The following ARL6IP6 variants were observed in gnomAD, a reference collection of about 807,000 sequenced individuals.
ARL6IP6 encodes ADP-ribosylation factor-like protein 6-interacting protein 6.
In ARL6IP6, 22 loss-of-function variants were observed where a neutral mutation model predicts 21.5. That is an observed-to-expected ratio of 1.02 (90% confidence interval 0.73 to 1.46). The LOEUF (loss-of-function observed/expected upper bound fraction) is 1.46. Ranked by LOEUF, ARL6IP6 falls within the 40% of genes most tolerant of loss-of-function variation. ARL6IP6 has a pLI of 0.00. For missense variants in ARL6IP6, 388 were observed against 299.8 expected (o/e 1.29, Z -2.17); for synonymous variants, 164 against 125.3 (o/e 1.31, Z -2.06).
At chr2:152,718,356 T>G, upstream of ARL6IP6, 1 of 383,814 alleles carries the variant, frequency 2.6e-6, no homozygotes. Flanking sequence ...CTCGACAGCC[T>G]TCGGCCTCCG....
chr2:152,755,686 C>T (rs543723321), intron 3 of ARL6IP6, among the ~76,000 whole-genome samples: 67 of 152,296 alleles, frequency 4.4e-4, no homozygotes, highest in South Asian at 4.1e-3. Flanking sequence ...TTACCCTGCC[C>T]CTTTTGCTTT....
chr2:152,744,589 T>G (rs920225749), intron 3 of ARL6IP6, among the ~76,000 whole-genome samples: 1 of 152,160 alleles, frequency 6.6e-6, no homozygotes, highest in African/African-American at 2.4e-5. Flanking sequence ...AAATATAATC[T>G]ATGAGATTAG....
Position 152,754,016 on chromosome 2 carries a change from G to A in ARL6IP6, c.588-5731G>A, listed in dbSNP as rs531334665. On this transcript the variant is annotated intron_variant, in intron 3 of 3. Coordinates refer to ENST00000326446, the MANE Select transcript of ARL6IP6 (RefSeq NM_152522.7). Reference sequence around the variant, plus strand: ...ACGCCCGGTCCAGGTCCTTTTTAATGTCTGACAGTAAAGTGTTTTTTTGTT... The same window carrying A: ...ACGCCCGGTCCAGGTCCTTTTTAATATCTGACAGTAAAGTGTTTTTTTGTT... Among the ~76,000 whole-genome samples, 6 of 151,534 alleles carry A rather than the reference G, an allele frequency of 4.0e-5. No individual in the cohort carries two copies. The South Asian group carries it at 1.3e-3, about 32-fold the overall frequency.
chr2:152,719,379 T>C (rs1041340469), intron 1 of ARL6IP6, among the ~76,000 whole-genome samples: 2 of 152,220 alleles, frequency 1.3e-5, no homozygotes, highest in African/African-American at 4.8e-5. Context: ...ATAATTAAAA[T>C]AGGCCATGTT....
intron 2 of ARL6IP6, among the ~76,000 whole-genome samples, chr2:152,726,791 C>T (rs1306069442): frequency 6.6e-6 from 1 of 152,084 alleles, no homozygotes; most frequent in Non-Finnish European, 1.5e-5. Context: ...TGAAAAATTC[C>T]TATTTAGTGG....
rs896706383 is a variant in ARL6IP6 at position 152,762,378 on chromosome 2, T to G, written c.*2538T>G. 6.6e-6 allele frequency among the ~76,000 whole-genome samples: 1 copy of G among 152,212 alleles called. No homozygotes were observed. Among genetic ancestry groups the G allele is most frequent in the African/African-American group, 2.4e-5 (1 of 41,454 alleles). ...ATACGTGAGTCAATAAATTTCTGTC[T>G]TTTGGCCTTTGCAGTTTACATTGGC... On this transcript the variant is annotated 3_prime_UTR_variant, in exon 4 of 4. Coordinates refer to ENST00000326446, the MANE Select transcript of ARL6IP6 (RefSeq NM_152522.7).
chr2:152,750,523 C>G (rs544345196), intron 3 of ARL6IP6, among the ~76,000 whole-genome samples: 2 of 149,226 alleles, frequency 1.3e-5, no homozygotes, highest in East Asian at 3.9e-4. Flanking sequence ...GGAGGGAGGG[C>G]GGAAGGAAGG....
At chr2:152,744,213 A>G (rs1361652955) in intron 3 of ARL6IP6, among the ~76,000 whole-genome samples, 3 of 152,182 alleles carry the variant, frequency 2.0e-5, no homozygotes, top group Admixed American at 6.5e-5. Flanking sequence ...TCTCACAGAT[A>G]GTCATTTTGA....
At chr2:152,719,051 T>C in intron 1 of ARL6IP6, 27 bp downstream of exon 1, 4 of 1,496,874 alleles carry the variant, frequency 2.7e-6, no homozygotes, top group Non-Finnish European at 3.6e-6. Flanking sequence ...CTTGAAAGTC[T>C]GTCCAGAGTA....
Position 152,761,008 on chromosome 2 carries a change from G to A in ARL6IP6, c.*1168G>A, listed in dbSNP as rs1016834905. 3.3e-5 allele frequency: 5 copies of A among 152,084 alleles called. No individual in the cohort carries two copies. The highest frequency in any genetic ancestry group is 4.8e-5 in the African/African-American group (2 of 41,402). 9.4% of individuals were successfully genotyped at this position (152,084 alleles called of 1,614,324 possible). On this transcript the variant is annotated 3_prime_UTR_variant, in exon 4 of 4. Transcript: ENST00000326446. ...TAGAAAGTTACCTCAGTTTTAGAAAGATGGACTACTTACAAAGCTGTTTTC... is the reference window on the plus strand; with the variant it reads ...TAGAAAGTTACCTCAGTTTTAGAAAAATGGACTACTTACAAAGCTGTTTTC...
At chr2:152,742,100 T>C (rs1700838936) in intron 3 of ARL6IP6, among the ~76,000 whole-genome samples, 1 of 152,222 alleles carries the variant, frequency 6.6e-6, no homozygotes, top group South Asian at 2.1e-4. Flanking sequence ...TTTTCCCTGT[T>C]CATTGTCTGG....
In ARL6IP6 at chr2:152,718,852, C is replaced by T. The variant is rs575269466; in HGVS notation, c.228C>T (p.Asp76=). The T allele has an allele frequency of 3.7e-6, 6 of 1,612,744 alleles. No homozygotes were observed. The highest frequency in any genetic ancestry group is 1.7e-4 in the Middle Eastern group (1 of 6,058). ...GAAAGCGCTCGGTGCTCCCGCCGGA[C>T]GGGAACGGGTCGCCCGTTCTGCCCG... ...EPRKRSVLPP[D]GNGSPVLPDK... Residue 76 remains aspartate, a synonymous_variant, in exon 1 of 4, where the codon GAC becomes GAT. Coordinates refer to ENST00000326446, the MANE Select transcript of ARL6IP6 (RefSeq NM_152522.7).
intron 3 of ARL6IP6, among the ~76,000 whole-genome samples, chr2:152,753,647 C>G (rs1701439928): frequency 6.7e-6 from 1 of 148,920 alleles, no homozygotes; most frequent in African/African-American, 2.5e-5. Context: ...GACACCTTTA[C>G]AATGCTGAGT....
At chr2:152,727,453 G>A (rs1210519991) in intron 2 of ARL6IP6, among the ~76,000 whole-genome samples, 2 of 152,126 alleles carry the variant, frequency 1.3e-5, no homozygotes, top group Non-Finnish European at 2.9e-5. Context: ...CGTAACCTAA[G>A]TGTACAGTGT....
chr2:152,759,859 T>C lies in ARL6IP6; in HGVS notation c.*19T>C, dbSNP rs773794941. 3.0e-5 allele frequency: 48 copies of C among 1,588,430 alleles called. No homozygotes were observed. In the South Asian group the frequency reaches 4.9e-4, roughly 16 times the overall value. ...CATGTAAACCCACACTGGAGCGATA[T>C]TGTTGGCAAAACTTAATCATGATTG... On this transcript the variant is annotated 3_prime_UTR_variant, in exon 4 of 4. Coordinates refer to ENST00000326446, the MANE Select transcript of ARL6IP6 (RefSeq NM_152522.7).
chr2:152,717,697 C>CA (rs1699191067), upstream of ARL6IP6: 1 of 1,398,250 alleles, frequency 7.2e-7, no homozygotes, highest in Admixed American at 3.0e-5. Context: ...AAAACTCTAC[C>CA]AACTTCCCCA....
chr2:152,718,682 C>T lies in ARL6IP6; in HGVS notation c.58C>T (p.Pro20Ser). The T allele has an allele frequency of 6.3e-7, 1 of 1,590,386 alleles. No individual in the cohort carries two copies. The highest frequency in any genetic ancestry group is 8.6e-7 in the Non-Finnish European group (1 of 1,166,618). ...SALRRRGPGT[P>S]GPVARPSYSS... ...TCTGCGGCGCCGCGGTCCCGGCACC[C>T]CGGGCCCTGTGGCTCGGCCATCGTA... The change falls in exon 1 of 4, where the codon CCG becomes TCG. Residue 20 changes from proline to serine, a missense_variant. Transcript: ENST00000326446.
At chr2:152,743,235 T>C (rs16831732) in intron 3 of ARL6IP6, among the ~76,000 whole-genome samples, 6,334 of 152,234 alleles carry the variant, frequency 0.042, 277 homozygotes, top group African/African-American at 0.11. Context: ...TTAATAGTTA[T>C]TCAGTGTGCT....
rs1458758385 is a variant in ARL6IP6 at position 152,719,007 on chromosome 2, C to G, written c.383C>G (p.Ala128Gly). Residue 128 changes from alanine (A) to glycine (G), a missense_variant, in exon 1 of 4, where the codon GCC becomes GGC. Transcript: ENST00000326446. ...AILLAFLLAI[A>G]YLIVKELHAE... ...CTTCTCGCCTTCCTCCTCGCCATCG[C>G]CTACTTGATCGTTAAAGGTATTGAA... 1.3e-6 allele frequency: 2 copies of G among 1,573,252 alleles called. No individual in the cohort carries two copies. The highest frequency in any genetic ancestry group is 1.4e-5 in the African/African-American group (1 of 73,560).
Sources: gnomAD v4.1 joint callset for allele counts (sites outside exome capture counted in the v4.1 genomes callset) on GRCh38, gnomAD v4.1.1 for gene constraint, MANE v1.5 for transcripts, NCBI Gene and HGNC (gene_info 2026-07-23, HGNC 2026-07-21) for gene names.